The following SETD5 variants were observed in gnomAD, a reference collection of about 807,000 sequenced individuals.
SETD5 encodes SET domain containing 5, also known as histone-lysine N-methyltransferase SETD5.
Under a neutral mutation model 153.3 loss-of-function variants are expected in SETD5, and 44 were observed. The ratio of observed to expected loss-of-function variants is 0.29; its 90% CI spans 0.23 to 0.37. The LOEUF is 0.37. Among genes scored for constraint, SETD5 ranks in the 10% least tolerant of loss-of-function variants. The probability of loss-of-function intolerance (pLI) is 1.00; values close to 1 mark genes in which losing one functional copy is unlikely to be tolerated. For synonymous variants in SETD5, 716 were observed against 645.2 expected, an observed-to-expected ratio of 1.11 and a Z score of -1.66; for missense variants, 1,544 against 1,768.0, an observed-to-expected ratio of 0.87 and a Z score of 2.27.
At chr3:9,408,634 C>T (rs2036090586) in intron 1 of SETD5, among the ~76,000 whole-genome samples, 1 of 152,110 alleles carries the variant, frequency 6.6e-6, no homozygotes, top group African/African-American at 2.4e-5. Flanking sequence ...ACCTGTATTT[C>T]ATGTAAATTA....
intron 18 of SETD5, among the ~76,000 whole-genome samples, chr3:9,466,693 G>A (rs1413128126): frequency 6.6e-6 from 1 of 152,104 alleles, no homozygotes; most frequent in African/African-American, 2.4e-5. Context: ...AGCAAAGGCT[G>A]TGACACATTG....
Position 9,413,923 on chromosome 3 carries a change from G to T in SETD5, c.-176-10544G>T, listed in dbSNP as rs541233247. ...CTCCCAAGTAGCTGGGACTGCAGGC[G>T]CGCGCCACCACGCCCAGCTAATTTT... On this transcript the variant is annotated intron_variant, in intron 1 of 22. Transcript: ENST00000402198. Among the ~76,000 whole-genome samples, 5 of 151,966 alleles carry T rather than the reference G, an allele frequency of 3.3e-5. No homozygotes were observed. The East Asian group carries it at 9.7e-4, about 29-fold the overall frequency.
intron 2 of SETD5, among the ~76,000 whole-genome samples, chr3:9,425,721 A>G (rs1206513146): frequency 6.6e-6 from 1 of 152,000 alleles, no homozygotes; most frequent in East Asian, 1.9e-4. Flanking sequence ...GATCACAGGC[A>G]TATGCCAACA....
intron 16 of SETD5, among the ~76,000 whole-genome samples, chr3:9,451,317 A>G (rs925592339): frequency 1.3e-5 from 2 of 152,216 alleles, no homozygotes; most frequent in Admixed American, 6.5e-5. Context: ...CTTCACATAC[A>G]TTATCTCACT....
At chr3:9,425,519 G>T (rs1575315400) in intron 2 of SETD5, among the ~76,000 whole-genome samples, 2 of 148,634 alleles carry the variant, frequency 1.3e-5, no homozygotes, top group Non-Finnish European at 3.0e-5. Flanking sequence ...ATTGCTCTAG[G>T]AAAAATATCA....
chr3:9,464,160 T>G (rs904161052), intron 17 of SETD5, among the ~76,000 whole-genome samples: 2 of 152,178 alleles, frequency 1.3e-5, no homozygotes, highest in African/African-American at 4.8e-5. Context: ...GAAAGAATTT[T>G]ATATTTTGCA....
chr3:9,406,885 C>A (rs1205758361), intron 1 of SETD5, among the ~76,000 whole-genome samples: 5 of 152,218 alleles, frequency 3.3e-5, no homozygotes, highest in Admixed American at 1.3e-4. Flanking sequence ...TATTTAGAAA[C>A]CTTTAAAAAC....
chr3:9,454,818 C>T (rs1025039808), intron 17 of SETD5, among the ~76,000 whole-genome samples: 1 of 152,132 alleles, frequency 6.6e-6, no homozygotes, highest in African/African-American at 2.4e-5. Flanking sequence ...ACCAGTTTCT[C>T]CTGCAAATAT....
At position 9,448,429 on chromosome 3, in the gene SETD5, A is replaced by G. The variant is rs370407483; in HGVS notation, c.2145A>G (p.Gln715=). ...GGTTGAATGACAAAGCAGAGAAGCA[A>G]GAGTGCCCTGTTGAGTGCCCTTTAC... is the stretch of plus-strand genomic sequence containing the variant. The part of the protein sequence containing the change: ...TEWLNDKAEK[Q]ECPVECPLRI... Residue 715 remains glutamine, a synonymous_variant, in exon 16 of 23, where the codon CAA becomes CAG. Transcript: ENST00000402198. 5.0e-6 allele frequency: 8 copies of G among 1,613,904 alleles called. No homozygotes were observed. The highest frequency in any genetic ancestry group is 4.5e-5 in the East Asian group (2 of 44,898).
chr3:9,427,765 A>G (rs2039481190), intron 2 of SETD5, among the ~76,000 whole-genome samples: 1 of 152,212 alleles, frequency 6.6e-6, no homozygotes, highest in Non-Finnish European at 1.5e-5. Context: ...CCCAAATAAA[A>G]TGCTTTTTGT....
chr3:9,442,076 G>T lies in SETD5; in HGVS notation c.960-52G>T, dbSNP rs1052679363. The T allele has an allele frequency of 2.5e-5, 30 of 1,206,812 alleles. No homozygotes were observed. In the African/African-American group the frequency reaches 3.3e-4, roughly 13 times the overall value. 74.8% of individuals were successfully genotyped at this position (1,206,812 alleles called of 1,614,324 possible). Reference sequence around the variant, plus strand: ...TATGCTTCATATTTGGAGTCATGGGGTGGCCTTCTTATTTGTGTTGAGAAT... The same window carrying T: ...TATGCTTCATATTTGGAGTCATGGGTTGGCCTTCTTATTTGTGTTGAGAAT... On this transcript the variant is annotated intron_variant, in intron 9 of 22. Transcript: ENST00000402198.
Position 9,447,276 on chromosome 3 carries a change from G to A in SETD5, c.1751G>A (p.Gly584Asp), listed in dbSNP as rs2042128883. 6.2e-7 allele frequency: 1 copy of A among 1,613,854 alleles called. No individual in the cohort carries two copies. Among genetic ancestry groups the A allele is most frequent in the Admixed American group, 1.7e-5 (1 of 59,996 alleles). Residue 584 changes from glycine (G) to aspartate (D), a missense_variant, in exon 14 of 23, where the codon GGT (glycine) becomes GAT (aspartate). Transcript: ENST00000402198. ...VTIPSTPQSV[G>D]VNTRRSSQAG... Reference sequence around the variant, plus strand: ...ATCCCAAGCACCCCACAGAGTGTTGGTGTGAATACCCGGAGGTCTTCCCAA... The same window carrying A: ...ATCCCAAGCACCCCACAGAGTGTTGATGTGAATACCCGGAGGTCTTCCCAA...
chr3:9,440,166 GT>G (rs1340990287), intron 7 of SETD5, among the ~76,000 whole-genome samples: 1 of 152,072 alleles, frequency 6.6e-6, no homozygotes, highest in Non-Finnish European at 1.5e-5. Flanking sequence ...CTTTAAAATG[GT>G]CATAAAATCA....
At position 9,434,161 on chromosome 3, in the gene SETD5, GT is replaced by G. The variant is rs1331158073; in HGVS notation, c.178-171del. On this transcript the variant is annotated intron_variant, in intron 4 of 22. Coordinates refer to ENST00000402198, the MANE Select transcript of SETD5 (RefSeq NM_001080517.3). This position sits in a 1 kb window ranked among gnomAD's most constrained non-coding sequence, Gnocchi z 5.6. ...GGCATTTTGTTTTATCACTTTCCTG[GT>G]TGAAGCCAAAAAACAAAGGGTACTA... 4.5e-6 allele frequency: 7 copies of G among 1,548,580 alleles called. No homozygotes were observed. In the South Asian group the frequency reaches 8.3e-5, roughly 18 times the overall value.
At chr3:9,403,319 C>A (rs943010850) in intron 1 of SETD5, among the ~76,000 whole-genome samples, 1 of 152,180 alleles carries the variant, frequency 6.6e-6, no homozygotes, top group Non-Finnish European at 1.5e-5. Context: ...TCTGCACCCT[C>A]CTAGGTGCAA....
rs2040366549 is a variant in SETD5 at position 9,434,840 on chromosome 3, A to C, written c.346A>C (p.Lys116Gln). 2 of 1,613,206 alleles carry C rather than the reference A, an allele frequency of 1.2e-6. No individual in the cohort carries two copies. Among genetic ancestry groups the C allele is most frequent in the Middle Eastern group, 1.6e-4 (1 of 6,062 alleles). Residue 116 changes from lysine (K) to glutamine (Q), a missense_variant, in exon 6 of 23, where the codon AAG becomes CAG. This residue lies in a region of SETD5 where 251 missense variants were observed against 326.9 expected (regional missense o/e 0.77). Coordinates refer to ENST00000402198, the MANE Select transcript of SETD5 (RefSeq NM_001080517.3). The surrounding 1 kb of genome is among the most constrained non-coding windows in gnomAD (Gnocchi z 5.6). The stretch of plus-strand genomic sequence containing the variant: ...CCTCTTTAGGGGAATGAGCAGGGGG[A>C]AGGTTATTAGACTTCATCGGCGGAA... Reference protein sequence around the residue: ...CDKCRGMSRGKVIRLHRRKQD... With the variant: ...CDKCRGMSRGQVIRLHRRKQD...
chr3:9,446,286 CA>C (rs577044895), intron 13 of SETD5, among the ~76,000 whole-genome samples: 17 of 22,858 alleles, frequency 7.4e-4, no homozygotes, highest in East Asian at 3.7e-3. Flanking sequence ...GACTCCATCT[CA>C]AAAAAAAAAA....
intron 1 of SETD5, among the ~76,000 whole-genome samples, chr3:9,407,368 TTAC>T: frequency 6.6e-6 from 1 of 152,196 alleles, no homozygotes; most frequent in Non-Finnish European, 1.5e-5. Flanking sequence ...GATGCCACTC[TTAC>T]TTAAACCCTA....
intron 14 of SETD5, 76 bp from the exon 15 acceptor site, chr3:9,447,610 C>T: frequency 6.8e-7 from 1 of 1,472,772 alleles, no homozygotes; most frequent in Non-Finnish European, 9.3e-7. Context: ...ATTCTGAATG[C>T]TTAAAGTGAA....
Sources: allele counts gnomAD v4.1 joint callset (sites outside exome capture counted in the v4.1 genomes callset), GRCh38; gene constraint gnomAD v4.1.1; regional missense constraint gnomAD v4.1.1; non-coding constraint Gnocchi (gnomAD v3.1); transcripts MANE v1.5; gene names NCBI Gene and HGNC (gene_info 2026-07-23, HGNC 2026-07-21).